Variants in GHR observed in about 807,000 individuals in gnomAD.
The protein encoded by GHR is GH receptor.
In GHR, 35 loss-of-function variants were observed where a neutral mutation model predicts 67.1. The ratio of observed to expected loss-of-function variants is 0.52; its 90% CI spans 0.40 to 0.69. The LOEUF is 0.69. Among genes scored for constraint, GHR ranks in the 30% least tolerant of loss-of-function variants. GHR has a pLI of 0.00. For synonymous variants in GHR, 272 were observed against 269.1 expected, an observed-to-expected ratio of 1.01 and a Z score of -0.10; for missense variants, 792 against 764.6, an observed-to-expected ratio of 1.04 and a Z score of -0.42.
chr5:42,687,521 G>A (rs923051599), intron 3 of GHR, among the ~76,000 whole-genome samples: 1 of 152,142 alleles, frequency 6.6e-6, no homozygotes, highest in African/African-American at 2.4e-5. Flanking sequence ...CTAGAACACA[G>A]CCTGGTACAA....
Position 42,711,427 on chromosome 5 carries a change from A to T in GHR, c.784+55A>T. 4.0e-6 allele frequency: 5 copies of T among 1,234,784 alleles called. No individual in the cohort carries two copies. In the Admixed American group the frequency reaches 5.0e-5, roughly 12 times the overall value. 76.5% of individuals were successfully genotyped at this position (1,234,784 alleles called of 1,614,324 possible). ...CTAACCTGGCTTTTGTCAATATAAC[A>T]GTTGATTCACCCCTGCACTGGTAGT... On this transcript the variant is annotated intron_variant, in intron 7 of 9. Transcript: ENST00000230882.
chr5:42,710,331 G>A (rs1365738621), intron 6 of GHR, among the ~76,000 whole-genome samples: 3 of 151,806 alleles, frequency 2.0e-5, no homozygotes, highest in Non-Finnish European at 2.9e-5. Context: ...TTGAAAACGC[G>A]AGTGTTTAAA....
intron 5 of GHR, among the ~76,000 whole-genome samples, chr5:42,699,051 G>T (rs1354675284): frequency 6.6e-6 from 1 of 152,178 alleles, no homozygotes; most frequent in African/African-American, 2.4e-5. Context: ...CAGTCAAAAA[G>T]ACAGAAAACA....
chr5:42,635,270 G>A (rs1205406965), intron 3 of GHR, among the ~76,000 whole-genome samples: 2 of 152,116 alleles, frequency 1.3e-5, no homozygotes, highest in African/African-American at 4.8e-5. Context: ...GCACCCTAGG[G>A]TTATTATTTA....
chr5:42,482,642 G>T (rs1359273467), intron 1 of GHR, among the ~76,000 whole-genome samples: 3 of 152,166 alleles, frequency 2.0e-5, no homozygotes, highest in Non-Finnish European at 4.4e-5. Context: ...TGCTGTGCTA[G>T]CAATGAGCGA....
intron 7 of GHR, among the ~76,000 whole-genome samples, chr5:42,712,882 T>G (rs1758532512): frequency 6.6e-6 from 1 of 150,880 alleles, no homozygotes; most frequent in African/African-American, 2.4e-5. Flanking sequence ...ATAATTTAAT[T>G]TATTGATATA....
intron 2 of GHR, among the ~76,000 whole-genome samples, chr5:42,614,488 A>C (rs1364180012): frequency 6.7e-6 from 1 of 149,666 alleles, no homozygotes; most frequent in South Asian, 2.1e-4. Flanking sequence ...ACGAGCTTCC[A>C]GGGGATGCTG....
Position 42,720,934 on chromosome 5 carries a change from T to A in GHR, c.*1510T>A, listed in dbSNP as rs978090072. 2 of 152,106 alleles carry A rather than the reference T, an allele frequency of 1.3e-5. No homozygotes were observed. The highest frequency in any genetic ancestry group is 6.5e-5 in the Admixed American group (1 of 15,268). The allele number at this position is 152,106 out of a possible 1,614,324, so 9.4% of individuals were successfully genotyped here. A position where few individuals can be genotyped will look rare whatever the true frequency, so the allele number is the denominator to read the frequency against. On this transcript the variant is annotated 3_prime_UTR_variant, in exon 10 of 10. Coordinates refer to ENST00000230882, the MANE Select transcript of GHR (RefSeq NM_000163.5). ...ACATCATTCATTTTTGTTGTTGTTG[T>A]TGTTGTTGAGACAGAGTCTCGCTCT...
chr5:42,507,901 A>G (rs2112254283), intron 1 of GHR, among the ~76,000 whole-genome samples: 1 of 152,308 alleles, frequency 6.6e-6, no homozygotes, highest in South Asian at 2.1e-4. Context: ...GTTATCCAGC[A>G]TTGAGCCTGG....
chr5:42,693,184 C>A (rs1757502598), intron 4 of GHR, among the ~76,000 whole-genome samples: 1 of 151,410 alleles, frequency 6.6e-6, no homozygotes, highest in Admixed American at 6.6e-5. Flanking sequence ...GGCACCCAGG[C>A]TGGAGTGCAG....
intron 1 of GHR, chr5:42,465,959 C>G (rs1403701386): frequency 1.5e-6 from 1 of 668,240 alleles, no homozygotes; most frequent in Non-Finnish European, 2.7e-6. Context: ...TTTCCCTTCA[C>G]CGTGAAGTTG....
intron 9 of GHR, 32 bp from the exon 10 acceptor site, chr5:42,718,421 T>C: frequency 6.7e-7 from 1 of 1,503,660 alleles, no homozygotes; most frequent in Non-Finnish European, 9.2e-7. Flanking sequence ...GAGTTTCTTT[T>C]CATAGATCTT....
intron 3 of GHR, among the ~76,000 whole-genome samples, chr5:42,665,864 C>T (rs138163981): frequency 1.3e-5 from 2 of 152,148 alleles, no homozygotes; most frequent in Non-Finnish European, 2.9e-5. Context: ...TCTTGCATGG[C>T]GGCAGAAAAG....
intron 1 of GHR, among the ~76,000 whole-genome samples, chr5:42,547,217 A>G (rs1047334096): frequency 3.1e-4 from 47 of 152,238 alleles, no homozygotes; most frequent in Non-Finnish European, 5.3e-4. Context: ...TTGCATATAA[A>G]CATGGGAAAG....
Position 42,719,256 on chromosome 5 carries a change from ACATGTTC to A in GHR, c.1752_1758del (p.His584GlnfsTer15). On this transcript the variant is annotated frameshift_variant, in exon 10 of 10. Transcript: ENST00000230882. LOFTEE classifies it high-confidence loss of function. ...CTGCTGGGAGGCCTGGGACAGGAGAACATGTTCCAGGTTCTGAGATGCCTGTCCCAGA... is the reference window on the plus strand; with the variant it reads ...CTGCTGGGAGGCCTGGGACAGGAGAACAGGTTCTGAGATGCCTGTCCCAGA... 6.2e-7 allele frequency: 1 copy of A among 1,613,960 alleles called. No individual in the cohort carries two copies. Among genetic ancestry groups the A allele is most frequent in the South Asian group, 1.1e-5 (1 of 91,078 alleles).
At chr5:42,625,779 T>C (rs1258200872) in intron 2 of GHR, among the ~76,000 whole-genome samples, 1 of 151,754 alleles carries the variant, frequency 6.6e-6, no homozygotes. Context: ...CCTAAAACTG[T>C]GCCTGGCTCT....
chr5:42,611,612 C>T (rs529150123), intron 2 of GHR, among the ~76,000 whole-genome samples: 28 of 152,244 alleles, frequency 1.8e-4, no homozygotes, highest in Admixed American at 1.2e-3. Context: ...CAGACAAATA[C>T]ACAGGTCAAT....
intron 1 of GHR, among the ~76,000 whole-genome samples, chr5:42,543,816 C>G (rs1748618894): frequency 6.6e-6 from 1 of 152,102 alleles, no homozygotes; most frequent in South Asian, 2.1e-4. Flanking sequence ...TAAATCCTCT[C>G]TTTCTGGAAT....
chr5:42,512,015 G>A (rs1747039432), intron 1 of GHR, among the ~76,000 whole-genome samples: 2 of 152,066 alleles, frequency 1.3e-5, no homozygotes, highest in Admixed American at 1.3e-4. Context: ...AGCTGCCGGT[G>A]GGTTGCTGAA....
Sources: allele counts gnomAD v4.1 joint callset (sites outside exome capture counted in the v4.1 genomes callset), GRCh38; gene constraint gnomAD v4.1.1; transcripts MANE v1.5; gene names NCBI Gene and HGNC (gene_info 2026-07-23, HGNC 2026-07-21).